Variants in NUBPL observed in about 807,000 individuals in gnomAD.
The protein encoded by NUBPL is NUBP iron-sulfur cluster assembly factor, mitochondrial, also known as iron-sulfur cluster transfer protein NUBPL.
In NUBPL, 31 loss-of-function variants were observed where a neutral mutation model predicts 45.7. The observed-to-expected ratio is 0.68, with a 90% CI of 0.51 to 0.92. NUBPL has a LOEUF of 0.92. Among genes scored for constraint, NUBPL ranks in the 40% least tolerant of loss-of-function variants. The pLI is 0.00. For synonymous variants in NUBPL, 144 were observed against 140.9 expected (o/e 1.02, Z -0.15); for missense variants, 401 against 398.7 (o/e 1.01, Z -0.05).
At chr14:31,671,028 T>G (rs1370562669) in intron 4 of NUBPL, among the ~76,000 whole-genome samples, 1 of 152,216 alleles carries the variant, frequency 6.6e-6, no homozygotes, top group African/African-American at 2.4e-5. Context: ...GGTAGATTGA[T>G]AGGAATAGCA....
chr14:31,857,415 T>C (rs536320619), intron 10 of NUBPL, among the ~76,000 whole-genome samples: 6 of 152,220 alleles, frequency 3.9e-5, no homozygotes, highest in Non-Finnish European at 8.8e-5. Context: ...GTTTTCCCCA[T>C]TGTCTTGGGG....
chr14:31,763,399 T>C (rs1010923519), intron 6 of NUBPL, among the ~76,000 whole-genome samples: 1 of 152,212 alleles, frequency 6.6e-6, no homozygotes, highest in African/African-American at 2.4e-5. Context: ...ATTGTTAATA[T>C]ACACTTCTTC....
intron 6 of NUBPL, among the ~76,000 whole-genome samples, chr14:31,733,613 A>G (rs946202835): frequency 6.6e-6 from 1 of 152,196 alleles, no homozygotes; most frequent in African/African-American, 2.4e-5. Context: ...ACAAAGAAAC[A>G]TAATTGAGTT....
At chr14:31,726,690 G>C (rs187307647) in intron 6 of NUBPL, among the ~76,000 whole-genome samples, 3 of 151,744 alleles carry the variant, frequency 2.0e-5, no homozygotes, top group Admixed American at 2.0e-4. Flanking sequence ...TATTCTCACA[G>C]GTCATCTGGA....
chr14:31,784,995 G>T (rs2039259380), intron 6 of NUBPL, among the ~76,000 whole-genome samples: 1 of 152,102 alleles, frequency 6.6e-6, no homozygotes, highest in Non-Finnish European at 1.5e-5. Context: ...CTTCTGGCTG[G>T]AGTTCTTTCC....
chr14:31,627,046 C>T (rs2035222657), intron 4 of NUBPL, among the ~76,000 whole-genome samples: 1 of 152,108 alleles, frequency 6.6e-6, no homozygotes, highest in African/African-American at 2.4e-5. Flanking sequence ...GTAGTTGTTA[C>T]CTTATTAGTA....
chr14:31,798,626 A>G (rs2039516209), intron 7 of NUBPL, among the ~76,000 whole-genome samples: 1 of 151,416 alleles, frequency 6.6e-6, no homozygotes, highest in African/African-American at 2.4e-5. Flanking sequence ...CCCTGTCTCT[A>G]CTAAAAAAAC....
At position 31,680,074 on chromosome 14, in the gene NUBPL, TG is replaced by T. The variant is rs2036794274; in HGVS notation, c.513+6501del. Among the ~76,000 whole-genome samples, 3 of 152,216 alleles carry T rather than the reference TG, an allele frequency of 2.0e-5. No homozygotes were observed. The South Asian group carries it at 6.2e-4, about 32-fold the overall frequency. Reference sequence around the variant, plus strand: ...TACAGAAACATATACTACTGATTTTTGTACATTAACCTTGAATCCTGTGACT... The same window carrying T: ...TACAGAAACATATACTACTGATTTTTTACATTAACCTTGAATCCTGTGACT... On this transcript the variant is annotated intron_variant, in intron 6 of 10. Coordinates refer to ENST00000281081, the MANE Select transcript of NUBPL (RefSeq NM_025152.3).
rs1313377351 is a variant in NUBPL, at chr14:31,756,929, A to G, written c.514-30851A>G. Reference sequence around the variant, plus strand: ...GCATGAAGGGTTGTTGAATTTTGTCAAAGGCCTTTTCTGCATCTATTGAGA... The same window carrying G: ...GCATGAAGGGTTGTTGAATTTTGTCGAAGGCCTTTTCTGCATCTATTGAGA... On this transcript the variant is annotated intron_variant, in intron 6 of 10. Transcript: ENST00000281081. Among the ~76,000 whole-genome samples the G allele has an allele frequency of 9.1e-3, 1,331 of 146,882 alleles. 11 individuals are homozygous for G. Among genetic ancestry groups the G allele is most frequent in the Non-Finnish European group, 0.013 (885 of 66,204 alleles).
intron 8 of NUBPL, among the ~76,000 whole-genome samples, chr14:31,833,425 A>G (rs558281282): frequency 2.0e-4 from 30 of 152,186 alleles, no homozygotes; most frequent in African/African-American, 6.7e-4. Flanking sequence ...AGATTTCTTT[A>G]TTCCTTGAGT....
intron 4 of NUBPL, among the ~76,000 whole-genome samples, chr14:31,659,797 A>T (rs770817536): frequency 2.2e-4 from 34 of 152,204 alleles, no homozygotes; most frequent in Non-Finnish European, 4.3e-4. Flanking sequence ...TACTTGAGCC[A>T]GATGATTTTC....
chr14:31,590,936 G>A (rs916119697), intron 3 of NUBPL, among the ~76,000 whole-genome samples: 1 of 152,090 alleles, frequency 6.6e-6, no homozygotes, highest in African/African-American at 2.4e-5. Context: ...AATCTTAGGT[G>A]TTTTATTCCT....
chr14:31,850,102 C>T lies in NUBPL; in HGVS notation c.815-17C>T, dbSNP rs764355027. The T allele has an allele frequency of 5.0e-6, 8 of 1,599,360 alleles. No homozygotes were observed. The highest frequency in any genetic ancestry group is 6.9e-6 in the Non-Finnish European group (8 of 1,166,772). ...GAACTTTTCTGGTTCTAATGGATGT[C>T]TGCTGGGCTCTTTTAGGAGACATTC... On this transcript the variant is annotated splice_polypyrimidine_tract_variant and intron_variant, in intron 9 of 10. Transcript: ENST00000281081.
chr14:31,566,757 A>G (rs1366512323), intron 3 of NUBPL, among the ~76,000 whole-genome samples: 1 of 152,156 alleles, frequency 6.6e-6, no homozygotes, highest in Admixed American at 6.5e-5. Flanking sequence ...GAAGATCCTT[A>G]TAAATGAAAG....
intron 6 of NUBPL, among the ~76,000 whole-genome samples, chr14:31,691,706 G>A (rs1008253317): frequency 2.6e-5 from 4 of 152,180 alleles, no homozygotes; most frequent in Non-Finnish European, 5.9e-5. Context: ...GTGGAAATGA[G>A]GCGAACATTA....
intron 4 of NUBPL, among the ~76,000 whole-genome samples, chr14:31,638,958 C>G (rs377598813): frequency 2.6e-5 from 4 of 152,122 alleles, no homozygotes; most frequent in Admixed American, 1.3e-4. Context: ...GCACTTCTCT[C>G]TATTGGTTAT....
intron 7 of NUBPL, among the ~76,000 whole-genome samples, chr14:31,788,844 G>C (rs1414503939): frequency 6.6e-6 from 1 of 152,118 alleles, no homozygotes; most frequent in Non-Finnish European, 1.5e-5. Context: ...TCTCTCTCCT[G>C]CTCATGTCTA....
intron 4 of NUBPL, among the ~76,000 whole-genome samples, chr14:31,631,189 T>G (rs575602919): frequency 1.2e-4 from 19 of 152,144 alleles, no homozygotes; most frequent in Non-Finnish European, 2.8e-4. Flanking sequence ...GTCTAAAACA[T>G]AGTTTTTATG....
chr14:31,586,472 T>G (rs930845691), intron 3 of NUBPL, among the ~76,000 whole-genome samples: 1 of 152,184 alleles, frequency 6.6e-6, no homozygotes, highest in Admixed American at 6.5e-5. Flanking sequence ...ATATTTGGAA[T>G]GAGAACTACA....
Sources: allele counts gnomAD v4.1 joint callset (sites outside exome capture counted in the v4.1 genomes callset), GRCh38; gene constraint gnomAD v4.1.1; transcripts MANE v1.5; gene names NCBI Gene and HGNC (gene_info 2026-07-23, HGNC 2026-07-21).